OMA1: variants seen among roughly 807,000 people sequenced by gnomAD.
OMA1 encodes the protein OMA1 zinc metallopeptidase, also known as metalloendopeptidase OMA1, mitochondrial.
Under a neutral mutation model 30.9 loss-of-function variants are expected in OMA1, and 38 were observed. The ratio of observed to expected loss-of-function variants is 1.23; its 90% CI spans 0.95 to 1.61. The LOEUF (loss-of-function observed/expected upper bound fraction) is 1.61, where lower values mean the gene tolerates loss of function less well. OMA1 is among the 40% of genes most tolerant of loss of function. OMA1 has a pLI of 0.00. For synonymous variants in OMA1, 173 were observed against 121.9 expected, an observed-to-expected ratio of 1.42 and a Z score of -2.76; for missense variants, 461 against 349.2, an observed-to-expected ratio of 1.32 and a Z score of -2.55.
intron 6 of OMA1, among the ~76,000 whole-genome samples, chr1:58,528,191 T>A (rs915689726): frequency 6.6e-6 from 1 of 152,222 alleles, no homozygotes; most frequent in Non-Finnish European, 1.5e-5. Flanking sequence ...TCACTCCCCA[T>A]GAGCAGGCTG....
At chr1:58,491,869 T>TA (rs1176234612) in intron 8 of OMA1, among the ~76,000 whole-genome samples, 1 of 152,050 alleles carries the variant, frequency 6.6e-6, no homozygotes, top group Non-Finnish European at 1.5e-5. Context: ...GACAAAAAGT[T>TA]AACAAGGATA....
At chr1:58,490,887 G>C (rs1645673160) in intron 8 of OMA1, among the ~76,000 whole-genome samples, 1 of 127,782 alleles carries the variant, frequency 7.8e-6, no homozygotes, top group Admixed American at 9.9e-5. Flanking sequence ...CTCACAGCAA[G>C]CTCTGCCTCC....
At chr1:58,494,275 G>T (rs1645753662) in intron 8 of OMA1, among the ~76,000 whole-genome samples, 1 of 152,092 alleles carries the variant, frequency 6.6e-6, no homozygotes, top group African/African-American at 2.4e-5. Context: ...ATTCAAGATG[G>T]ATTAAAGACT....
At chr1:58,543,263 AATTGACAGC>A (rs748558156) in intron 1 of OMA1, among the ~76,000 whole-genome samples, 1 of 152,192 alleles carries the variant, frequency 6.6e-6, no homozygotes, top group Non-Finnish European at 1.5e-5. Context: ...TGTTTTTGTA[AATTGACAGC>A]ATTTTAATAT....
At chr1:58,514,878 T>A (rs1396624270) in intron 7 of OMA1, among the ~76,000 whole-genome samples, 1 of 152,214 alleles carries the variant, frequency 6.6e-6, no homozygotes, top group African/African-American at 2.4e-5. Flanking sequence ...GAAACCTTAC[T>A]GTCTATGAGA....
chr1:58,513,549 G>A (rs144074712), intron 7 of OMA1, among the ~76,000 whole-genome samples: 193 of 152,204 alleles, frequency 1.3e-3, no homozygotes, highest in African/African-American at 4.4e-3. Flanking sequence ...AATGGCTACC[G>A]CTGGCCAGAG....
Position 58,491,152 on chromosome 1 carries a change from T to A in OMA1, c.1366-9978A>T, listed in dbSNP as rs865952553. ...AGAATTTTCAACCCAGAATTTCATA[T>A]CCAGCCAAACTAAGCTTCATAAGTG... On this transcript the variant is annotated intron_variant, in intron 8 of 8. Transcript: ENST00000371226. Among the ~76,000 whole-genome samples the A allele has an allele frequency of 1.9e-4, 29 of 152,032 alleles. No homozygotes were observed. The Middle Eastern group carries it at 0.02, about 107-fold the overall frequency.
At chr1:58,520,753 G>T (rs561450743) in intron 7 of OMA1, among the ~76,000 whole-genome samples, 4 of 152,110 alleles carry the variant, frequency 2.6e-5, no homozygotes, top group Admixed American at 2.6e-4. Context: ...CAATCCACTA[G>T]GAAAATCTAA....
At chr1:58,545,164 C>T (rs1557462630) in intron 1 of OMA1, among the ~76,000 whole-genome samples, 1 of 152,168 alleles carries the variant, frequency 6.6e-6, no homozygotes, top group African/African-American at 2.4e-5. Flanking sequence ...GATTTACTTA[C>T]ACCCCACAGA....
chr1:58,518,524 A>G (rs2100446337), intron 7 of OMA1, among the ~76,000 whole-genome samples: 1 of 152,088 alleles, frequency 6.6e-6, no homozygotes. Context: ...TTTAGGTAAA[A>G]GATGCTAGTA....
In OMA1 at chr1:58,520,158, C is replaced by T. The variant is rs536457319; in HGVS notation, c.1215+7103G>A. Among the ~76,000 whole-genome samples, 9 of 152,202 alleles carry T rather than the reference C, an allele frequency of 5.9e-5. No homozygotes were observed. The South Asian group carries it at 1.7e-3, about 28-fold the overall frequency. On this transcript the variant is annotated intron_variant, in intron 7 of 8. Transcript: ENST00000371226. ...CACCTTTTGGGTACCATGCTCACTA[C>T]CTCGGGGAGAGGATCATTTGTACAC...
At chr1:58,514,298 G>A (rs1646126967) in intron 7 of OMA1, among the ~76,000 whole-genome samples, 1 of 152,106 alleles carries the variant, frequency 6.6e-6, no homozygotes, top group African/African-American at 2.4e-5. Context: ...AAAGAATACA[G>A]CAGTATAAAA....
chr1:58,501,963 C>T (rs969276178), intron 8 of OMA1, among the ~76,000 whole-genome samples: 1 of 151,876 alleles, frequency 6.6e-6, no homozygotes, highest in African/African-American at 2.4e-5. Context: ...AATTTATTAT[C>T]TGTCTCCCTT....
At chr1:58,525,027 T>C (rs1268342380) in intron 7 of OMA1, among the ~76,000 whole-genome samples, 1 of 152,220 alleles carries the variant, frequency 6.6e-6, no homozygotes, top group African/African-American at 2.4e-5. Context: ...GTTAATTCTA[T>C]GCAGTTATGA....
At position 58,489,130 on chromosome 1, in the gene OMA1, G is replaced by A. The variant is rs118164058; in HGVS notation, c.1366-7956C>T. Among the ~76,000 whole-genome samples, 88 of 152,304 alleles carry A rather than the reference G, an allele frequency of 5.8e-4. No individual in the cohort carries two copies. In the East Asian group the frequency reaches 0.013, roughly 22 times the overall value. On this transcript the variant is annotated intron_variant, in intron 8 of 8. Coordinates refer to ENST00000371226, the MANE Select transcript of OMA1 (RefSeq NM_145243.5). ...CGGTGCAGCGCACCGAGCGTGAGCC[G>A]AAGTAGGGCAAGGCATCGTGTCACC...
At chr1:58,503,117 T>C (rs1056110897) in intron 8 of OMA1, among the ~76,000 whole-genome samples, 2 of 152,196 alleles carry the variant, frequency 1.3e-5, no homozygotes, top group Non-Finnish European at 2.9e-5. Context: ...AGTCTTCACA[T>C]GAAAAGTTGG....
At chr1:58,495,944 A>C (rs1645793788) in intron 8 of OMA1, among the ~76,000 whole-genome samples, 1 of 152,158 alleles carries the variant, frequency 6.6e-6, no homozygotes, top group Non-Finnish European at 1.5e-5. Flanking sequence ...TGAAGATTAA[A>C]CACTTCATAA....
chr1:58,487,539 C>T (rs569225180), intron 8 of OMA1, among the ~76,000 whole-genome samples: 3 of 152,236 alleles, frequency 2.0e-5, no homozygotes, highest in African/African-American at 4.8e-5. Flanking sequence ...TAATTAGTAA[C>T]TAGGCAATTG....
chr1:58,497,099 T>G (rs1645815444), intron 8 of OMA1, among the ~76,000 whole-genome samples: 1 of 152,136 alleles, frequency 6.6e-6, no homozygotes, highest in Non-Finnish European at 1.5e-5. Flanking sequence ...TTCCCAAAAT[T>G]TAATCTCTAT....
Sources: gnomAD v4.1 joint callset for allele counts (sites outside exome capture counted in the v4.1 genomes callset) on GRCh38, gnomAD v4.1.1 for gene constraint, MANE v1.5 for transcripts, NCBI Gene and HGNC (gene_info 2026-07-23, HGNC 2026-07-21) for gene names.